The following UMAD1 variants were observed in gnomAD, a reference collection of about 807,000 sequenced individuals.
UMAD1 encodes the protein UBAP1-MVB12-associated (UMA) domain containing 1, also known as UBAP1-MVB12-associated (UMA)-domain containing protein 1.
In UMAD1, 8 loss-of-function variants were observed where a neutral mutation model predicts 6.1. The observed-to-expected ratio is 1.30, with a 90% CI of 0.76 to 2.35. The LOEUF (loss-of-function observed/expected upper bound fraction) is 2.35, where lower values mean the gene tolerates loss of function less well. UMAD1 is among the 30% of genes most tolerant of loss of function. The pLI, the probability that UMAD1 is intolerant of heterozygous loss-of-function variation, is 0.00. For synonymous variants in UMAD1, 56 were observed against 31.4 expected, an observed-to-expected ratio of 1.78 and a Z score of -2.61; for missense variants, 130 against 78.4, an observed-to-expected ratio of 1.66 and a Z score of -2.49.
intron 2 of UMAD1, among the ~76,000 whole-genome samples, chr7:7,718,861 C>T (rs75417493): frequency 0.024 from 3,599 of 151,000 alleles, 157 homozygotes; most frequent in African/African-American, 0.082. Flanking sequence ...TAAATTATGA[C>T]TCAACAGGTA....
At chr7:7,767,012 T>C (rs946943594) in intron 2 of UMAD1, among the ~76,000 whole-genome samples, 4 of 152,152 alleles carry the variant, frequency 2.6e-5, no homozygotes, top group Admixed American at 2.0e-4. Context: ...AAGCAACAGT[T>C]TCAAGTTCTG....
intron 3 of UMAD1, among the ~76,000 whole-genome samples, chr7:7,859,257 T>C (rs10239371): frequency 0.47 from 71,785 of 152,076 alleles, 18,262 homozygotes; most frequent in African/African-American, 0.63. Context: ...GACTTCTTAA[T>C]AATTATAAAG....
chr7:7,808,475 A>G (rs896445907), intron 3 of UMAD1, among the ~76,000 whole-genome samples: 1 of 152,044 alleles, frequency 6.6e-6, no homozygotes, highest in African/African-American at 2.4e-5. Context: ...CTAATAATTT[A>G]CCAGCGGACC....
intron 3 of UMAD1, among the ~76,000 whole-genome samples, chr7:7,846,866 T>G (rs1167011451): frequency 1.8e-5 from 2 of 114,172 alleles, no homozygotes; most frequent in Non-Finnish European, 3.3e-5. Flanking sequence ...TGAGATCACA[T>G]GGACACAGGA....
rs1781825342 is a variant in UMAD1 at position 7,758,518 on chromosome 7, G to A, written c.83-43152G>A. Among the ~76,000 whole-genome samples, 3 of 90,486 alleles carry A rather than the reference G, an allele frequency of 3.3e-5. No individual in the cohort carries two copies. The Admixed American group carries it at 4.0e-4, about 12-fold the overall frequency. 59.4% of individuals were successfully genotyped at this position (90,486 alleles called of 152,430 possible). On this transcript the variant is annotated intron_variant, in intron 2 of 3. Transcript: ENST00000682710. ...TCCAGCTTTAGAAAGAAAACATAGT[G>A]GGTGGATACTGTGGAAGCTGCCTCT...
intron 1 of UMAD1, among the ~76,000 whole-genome samples, chr7:7,657,878 A>G (rs1335912874): frequency 6.6e-6 from 1 of 152,224 alleles, no homozygotes; most frequent in Non-Finnish European, 1.5e-5. Flanking sequence ...TGGGGATAGC[A>G]TTGAATCTGT....
chr7:7,684,845 G>C (rs2115127751), intron 2 of UMAD1, among the ~76,000 whole-genome samples: 1 of 152,266 alleles, frequency 6.6e-6, no homozygotes, highest in Non-Finnish European at 1.5e-5. Flanking sequence ...ACAACTATTT[G>C]GGGGTAGTTG....
chr7:7,650,574 C>A (rs905472491), intron 1 of UMAD1, among the ~76,000 whole-genome samples: 1 of 152,198 alleles, frequency 6.6e-6, no homozygotes, highest in Non-Finnish European at 1.5e-5. Context: ...GTACCTAATG[C>A]CACTAAACCG....
chr7:7,698,286 C>T (rs951089015), intron 2 of UMAD1, among the ~76,000 whole-genome samples: 1 of 152,146 alleles, frequency 6.6e-6, no homozygotes, highest in African/African-American at 2.4e-5. Context: ...TAACAGTTCC[C>T]ATTCTTGAAG....
chr7:7,843,933 A>G (rs1431860651), intron 3 of UMAD1, among the ~76,000 whole-genome samples: 1 of 152,136 alleles, frequency 6.6e-6, no homozygotes, highest in Non-Finnish European at 1.5e-5. Context: ...CTGCCATGCT[A>G]TATGTTTAAA....
chr7:7,861,910 G>A (rs1166396924), intron 3 of UMAD1, among the ~76,000 whole-genome samples: 2 of 152,132 alleles, frequency 1.3e-5, no homozygotes, highest in African/African-American at 4.8e-5. Context: ...TACATTTTCA[G>A]CATATATTAA....
At chr7:7,706,301 A>G (rs1423861501) in intron 2 of UMAD1, among the ~76,000 whole-genome samples, 2 of 152,190 alleles carry the variant, frequency 1.3e-5, no homozygotes, top group Non-Finnish European at 2.9e-5. Context: ...GGGAAAATCT[A>G]GAAGAGGTGG....
At chr7:7,667,297 A>G (rs1446499466) in intron 1 of UMAD1, among the ~76,000 whole-genome samples, 3 of 152,224 alleles carry the variant, frequency 2.0e-5, no homozygotes, top group Non-Finnish European at 4.4e-5. Context: ...AGACAATTGA[A>G]AAAAATACTG....
At chr7:7,728,074 C>T (rs1287857466) in intron 2 of UMAD1, among the ~76,000 whole-genome samples, 1 of 152,008 alleles carries the variant, frequency 6.6e-6, no homozygotes, top group East Asian at 1.9e-4. Flanking sequence ...CTCTTGGGAC[C>T]TCCATTCTGT....
At chr7:7,772,544 A>G (rs1357117516) in intron 2 of UMAD1, 1 of 152,230 alleles carries the variant, frequency 6.6e-6, no homozygotes, top group African/African-American at 2.4e-5. Context: ...AAAGGCCATG[A>G]ATCAGAAGAA....
intron 2 of UMAD1, among the ~76,000 whole-genome samples, chr7:7,690,609 A>G (rs575252229): frequency 6.6e-6 from 1 of 152,200 alleles, no homozygotes; most frequent in Non-Finnish European, 1.5e-5. Context: ...CTTAGGGATA[A>G]TTCTAAACAG....
At chr7:7,789,579 A>G (rs1050786237) in intron 2 of UMAD1, among the ~76,000 whole-genome samples, 8 of 151,802 alleles carry the variant, frequency 5.3e-5, no homozygotes, top group African/African-American at 1.9e-4. Context: ...CTCTAGAACT[A>G]AAACTGAAAC....
At chr7:7,831,197 G>A (rs533175326) in intron 3 of UMAD1, among the ~76,000 whole-genome samples, 6 of 152,078 alleles carry the variant, frequency 3.9e-5, no homozygotes, top group Non-Finnish European at 7.4e-5. Context: ...CTCTGTTTTA[G>A]CCTCTAACCC....
At chr7:7,773,858 C>G (rs1015569174) in intron 2 of UMAD1, among the ~76,000 whole-genome samples, 5 of 152,160 alleles carry the variant, frequency 3.3e-5, no homozygotes, top group African/African-American at 7.2e-5. Context: ...CTTACCATTT[C>G]CAGCCTTGCA....
Sources: gnomAD v4.1 joint callset for allele counts (sites outside exome capture counted in the v4.1 genomes callset) on GRCh38, gnomAD v4.1.1 for gene constraint, MANE v1.5 for transcripts, NCBI Gene and HGNC (gene_info 2026-07-23, HGNC 2026-07-21) for gene names.